TENM1: variants seen among roughly 807,000 people sequenced by gnomAD.
TENM1 encodes teneurin-1.
In TENM1, 35 loss-of-function variants were observed where a neutral mutation model predicts 174.8. The observed-to-expected ratio is 0.20, with a 90% CI of 0.15 to 0.27. The LOEUF is 0.27. TENM1 is among the 10% of genes least tolerant of loss of function. The pLI, the probability that TENM1 is intolerant of heterozygous loss-of-function variation, is 1.00. For synonymous variants in TENM1, 781 were observed against 798.7 expected, an observed-to-expected ratio of 0.98 and a Z score of 0.37; for missense variants, 1,633 against 2,130.1, an observed-to-expected ratio of 0.77 and a Z score of 4.59.
At chrX:125,038,392 T>C in the TENM1 span, among the ~76,000 whole-genome samples, 61 of 110,604 alleles carry the variant, frequency 5.5e-4, no homozygotes, top group African/African-American at 2.0e-3. Context: ...ATAGGAATAA[T>C]AATAATGCCA....
chrX:124,737,889 C>A (rs1489953588), intron 3 of TENM1, among the ~76,000 whole-genome samples: 1 of 112,278 alleles, frequency 8.9e-6, no homozygotes, highest in Non-Finnish European at 1.9e-5. Context: ...TTTCTAGGAG[C>A]TCTGCCATGT....
the TENM1 span, among the ~76,000 whole-genome samples, chrX:125,141,994 C>T: frequency 9.0e-6 from 1 of 111,430 alleles, no homozygotes; most frequent in African/African-American, 3.3e-5. Flanking sequence ...ATAATTTCCA[C>T]CTCCCAGGAT....
chrX:124,953,380 G>C (rs2058520567), intron 1 of TENM1, among the ~76,000 whole-genome samples: 1 of 111,517 alleles, frequency 9.0e-6, no homozygotes, highest in African/African-American at 3.3e-5. Flanking sequence ...TTTAGGTTTA[G>C]CAACTGATTC....
intron 3 of TENM1, among the ~76,000 whole-genome samples, chrX:124,825,724 A>G (rs745923383): frequency 8.9e-6 from 1 of 112,303 alleles, no homozygotes; most frequent in South Asian, 3.7e-4. Flanking sequence ...TATTTCAAAC[A>G]TGCATCGATA....
At chrX:124,416,422 C>T (rs1237615974) in intron 25 of TENM1, among the ~76,000 whole-genome samples, 1 of 111,865 alleles carries the variant, frequency 8.9e-6, no homozygotes, top group East Asian at 2.8e-4. Context: ...TGTATCAGAA[C>T]TTCATTTCTT....
the TENM1 span, among the ~76,000 whole-genome samples, chrX:125,119,267 T>C: frequency 1.8e-5 from 2 of 111,967 alleles, no homozygotes; most frequent in Non-Finnish European, 1.9e-5. Flanking sequence ...TGTGATGTAA[T>C]GATCAAATAG....
At chrX:124,807,747 T>C (rs2055642840) in intron 3 of TENM1, among the ~76,000 whole-genome samples, 1 of 111,323 alleles carries the variant, frequency 9.0e-6, no homozygotes, top group Non-Finnish European at 1.9e-5. Context: ...TAAGTTGTGA[T>C]AAGCTTAAAA....
intron 22 of TENM1, among the ~76,000 whole-genome samples, chrX:124,476,353 C>T (rs2046724099): frequency 1.8e-5 from 2 of 112,079 alleles, no homozygotes; most frequent in South Asian, 7.5e-4. Context: ...CTTTGTTATT[C>T]CCAGATTTCT....
At chrX:124,488,995 G>A (rs2047008851) in intron 20 of TENM1, among the ~76,000 whole-genome samples, 1 of 112,749 alleles carries the variant, frequency 8.9e-6, no homozygotes, top group Non-Finnish European at 1.9e-5. Context: ...ACATCTCAGA[G>A]GGAGGAAGTG....
the TENM1 span, among the ~76,000 whole-genome samples, chrX:125,028,935 A>C: frequency 1.8e-5 from 2 of 112,057 alleles, no homozygotes; most frequent in Non-Finnish European, 3.8e-5. Flanking sequence ...ACTTAGTGAA[A>C]GAATGATAGG....
At chrX:125,028,074 T>C in the TENM1 span, among the ~76,000 whole-genome samples, 1 of 111,759 alleles carries the variant, frequency 8.9e-6, no homozygotes, top group Non-Finnish European at 1.9e-5. Context: ...GTTGAGGATA[T>C]TCATGCTCTT....
At chrX:124,548,502 G>A (rs1286473883) in intron 14 of TENM1, among the ~76,000 whole-genome samples, 1 of 111,982 alleles carries the variant, frequency 8.9e-6, no homozygotes, top group Non-Finnish European at 1.9e-5. Flanking sequence ...AAAGAGAAGG[G>A]GTTGGAGTGA....
chrX:124,542,106 T>C (rs1418421478), intron 15 of TENM1, among the ~76,000 whole-genome samples: 1 of 112,311 alleles, frequency 8.9e-6, no homozygotes, highest in Non-Finnish European at 1.9e-5. Context: ...ATTTGAGTCA[T>C]CCCAGCTGAG....
the TENM1 span, among the ~76,000 whole-genome samples, chrX:125,039,465 C>T: frequency 9.0e-6 from 1 of 110,505 alleles, no homozygotes; most frequent in Non-Finnish European, 1.9e-5. Flanking sequence ...AAGCATGAGT[C>T]AATTTTGTTC....
intron 27 of TENM1, among the ~76,000 whole-genome samples, chrX:124,393,637 A>ACTTTTTATT (rs1358322204): frequency 9.8e-5 from 11 of 111,776 alleles, no homozygotes; most frequent in Non-Finnish European, 1.5e-4. Context: ...TTGTGTTAAA[A>ACTTTTTATT]CTTTTTATTT....
the TENM1 span, among the ~76,000 whole-genome samples, chrX:125,014,696 C>T: frequency 1.1e-4 from 12 of 111,275 alleles, no homozygotes; most frequent in African/African-American, 3.9e-4. Context: ...ATCTCATAGA[C>T]CACTGATTCT....
intron 18 of TENM1, among the ~76,000 whole-genome samples, chrX:124,517,876 T>G (rs1037001803): frequency 3.6e-5 from 4 of 109,721 alleles, no homozygotes; most frequent in African/African-American, 1.3e-4. Context: ...AGAGAAAAAT[T>G]GGAGGAATTT....
chrX:124,905,567 A>G (rs1199725773), intron 1 of TENM1, among the ~76,000 whole-genome samples: 1 of 111,750 alleles, frequency 8.9e-6, no homozygotes, highest in Non-Finnish European at 1.9e-5. Flanking sequence ...ATAATGAAGG[A>G]CAACAATCCC....
At position 124,949,647 on chromosome X, in the gene TENM1, TAG is replaced by T. The variant is rs1275900178; in HGVS notation, c.217+13888_217+13889del. Among the ~76,000 whole-genome samples the T allele has an allele frequency of 1.5e-4, 17 of 111,502 alleles. No individual in the cohort carries two copies. In the Admixed American group the frequency reaches 1.6e-3, roughly 11 times the overall value. On this transcript the variant is annotated intron_variant, in intron 1 of 31. Coordinates refer to ENST00000422452, the Ensembl canonical transcript of TENM1. Reference sequence around the variant, plus strand: ...AGAAGTACCTAGCCAAGTAAAAAATTAGAGGACAATCCCATTACAAATTGATC... The same window carrying T: ...AGAAGTACCTAGCCAAGTAAAAAATTAGGACAATCCCATTACAAATTGATC...
Sources: allele counts gnomAD v4.1 joint callset (sites outside exome capture counted in the v4.1 genomes callset), GRCh38; gene constraint gnomAD v4.1.1; transcripts MANE v1.5; gene names NCBI Gene and HGNC (gene_info 2026-07-23, HGNC 2026-07-21).